The following EPDR1 variants were observed in gnomAD, a reference collection of about 807,000 sequenced individuals.
EPDR1 encodes mammalian ependymin-related protein 1.
A neutral mutation model predicts 23.7 loss-of-function variants in EPDR1; 27 were observed. That is an observed-to-expected ratio of 1.14 (90% CI 0.84 to 1.57). The LOEUF is 1.57. EPDR1 is among the 40% of genes most tolerant of loss of function. The pLI, the probability that EPDR1 is intolerant of heterozygous loss-of-function variation, is 0.00. For missense variants in EPDR1, 349 were observed against 290.4 expected (o/e 1.20, Z -1.47); for synonymous variants, 137 against 118.2 (o/e 1.16, Z -1.03).
In EPDR1 at chr7:37,923,671, AT is replaced by A. The variant is rs879813760; in HGVS notation, c.269+2474del. Among the ~76,000 whole-genome samples, 169 of 147,762 alleles carry A rather than the reference AT, an allele frequency of 1.1e-3. 1 individual carries two copies. The highest frequency in any genetic ancestry group is 1.3e-3 in the Non-Finnish European group (86 of 66,476). On this transcript the variant is annotated intron_variant, in intron 1 of 2. Coordinates refer to ENST00000199448, the MANE Select transcript of EPDR1 (RefSeq NM_017549.5). ...AAGGGTTCATCTCTCCAAAGGTAGT[AT>A]TTTTTTTTTTACAATTAAAAAAATT...
chr7:37,948,537 G>A (rs1267485905), intron 1 of EPDR1, among the ~76,000 whole-genome samples: 2 of 151,958 alleles, frequency 1.3e-5, no homozygotes, highest in South Asian at 4.2e-4. Context: ...TCTAGAGACA[G>A]GGGTCTCACT....
intron 1 of EPDR1, among the ~76,000 whole-genome samples, chr7:37,933,999 C>T (rs1363319633): frequency 1.5e-5 from 2 of 137,686 alleles, no homozygotes; most frequent in East Asian, 2.2e-4. Context: ...TTTTTTGAGA[C>T]GGAGTCTCGC....
chr7:37,920,771 G>A lies in EPDR1; in HGVS notation c.-169G>A, dbSNP rs761219331. The A allele has an allele frequency of 2.5e-6, 4 of 1,609,574 alleles. No individual in the cohort carries two copies. Among genetic ancestry groups the A allele is most frequent in the African/African-American group, 2.7e-5 (2 of 74,788 alleles). On this transcript the variant is annotated 5_prime_UTR_variant, in exon 1 of 3. Coordinates refer to ENST00000199448, the MANE Select transcript of EPDR1 (RefSeq NM_017549.5). Reference sequence around the variant, plus strand: ...TGGTCCCGGCTACCGGGACTCGCGCGTCCGGATCTCAAAAGCGGCAGAGGC... The same window carrying A: ...TGGTCCCGGCTACCGGGACTCGCGCATCCGGATCTCAAAAGCGGCAGAGGC...
chr7:37,948,447 G>T (rs1260485495), intron 1 of EPDR1, among the ~76,000 whole-genome samples: 1 of 151,498 alleles, frequency 6.6e-6, no homozygotes, highest in African/African-American at 2.4e-5. Flanking sequence ...AGGCTCAAGT[G>T]ATCCTCTTAC....
chr7:37,935,782 G>T (rs1388717036), intron 1 of EPDR1, among the ~76,000 whole-genome samples: 1 of 151,156 alleles, frequency 6.6e-6, no homozygotes, highest in African/African-American at 2.4e-5. Context: ...GTTGGGTAGG[G>T]GTGGGGAGGT....
At chr7:37,938,515 TAAG>T (rs1291828397) in intron 1 of EPDR1, among the ~76,000 whole-genome samples, 1 of 152,216 alleles carries the variant, frequency 6.6e-6, no homozygotes, top group Non-Finnish European at 1.5e-5. Context: ...ACTCTCATAA[TAAG>T]AAGATGTTAT....
intron 1 of EPDR1, among the ~76,000 whole-genome samples, chr7:37,932,058 G>T (rs1785953920): frequency 6.6e-6 from 1 of 151,888 alleles, no homozygotes; most frequent in African/African-American, 2.4e-5. Context: ...CTTTTTTGTT[G>T]GTTCCTTACA....
In EPDR1 at chr7:37,920,904, T is replaced by A; in HGVS notation, c.-36T>A. The A allele has an allele frequency of 2.5e-6, 4 of 1,611,364 alleles. No individual in the cohort carries two copies. Among genetic ancestry groups the A allele is most frequent in the Non-Finnish European group, 3.4e-6 (4 of 1,179,268 alleles). The stretch of plus-strand genomic sequence containing the variant: ...CGGACGCCTCAGCGCCCCCTTGGGC[T>A]TGGGCTTGCCCTCGGGCCGGGGAAG... On this transcript the variant is annotated 5_prime_UTR_variant, in exon 1 of 3. It adds an upstream start codon to the 5' untranslated region. Coordinates refer to ENST00000199448, the MANE Select transcript of EPDR1 (RefSeq NM_017549.5).
At chr7:37,945,569 A>C (rs552360695) in intron 1 of EPDR1, among the ~76,000 whole-genome samples, 2 of 152,200 alleles carry the variant, frequency 1.3e-5, no homozygotes, top group African/African-American at 2.4e-5. Flanking sequence ...GAGCTGAAAA[A>C]CTTCCATTGC....
intron 1 of EPDR1, among the ~76,000 whole-genome samples, chr7:37,942,852 C>T (rs940733878): frequency 1.1e-4 from 16 of 152,076 alleles, no homozygotes; most frequent in South Asian, 2.1e-4. Context: ...CATGGTGATT[C>T]GAGAGCCTAC....
At chr7:37,947,165 T>A (rs1453604971) in intron 1 of EPDR1, among the ~76,000 whole-genome samples, 2 of 152,220 alleles carry the variant, frequency 1.3e-5, no homozygotes, top group East Asian at 1.9e-4. Flanking sequence ...ACCCTATACA[T>A]GCGTACCATT....
chr7:37,926,418 C>T (rs929022822), intron 1 of EPDR1, among the ~76,000 whole-genome samples: 6 of 148,116 alleles, frequency 4.1e-5, no homozygotes, highest in African/African-American at 1.5e-4. Flanking sequence ...TTCATTTTGA[C>T]CATCTGAAAT....
chr7:37,921,189 G>A lies in EPDR1; in HGVS notation c.250G>A (p.Ala84Thr). The A allele has an allele frequency of 6.3e-7, 1 of 1,590,538 alleles. No individual in the cohort carries two copies. The highest frequency in any genetic ancestry group is 1.1e-5 in the South Asian group (1 of 90,764). The change falls in exon 1 of 3, where the codon GCG (alanine) becomes ACG (threonine). Residue 84 changes from alanine to threonine, a missense_variant. Ala to Thr is a moderately conservative substitution (Grantham distance 58). Transcript: ENST00000199448. ...QRVRVLDERK[A>T]LIPCKRLFEY... ...CGTGCGGGTGCTGGACGAGAGGAAGGCGCTGATCCCCTGCAAGAGGTACAG... is the reference window on the plus strand; with the variant it reads ...CGTGCGGGTGCTGGACGAGAGGAAGACGCTGATCCCCTGCAAGAGGTACAG...
chr7:37,921,029 G>T lies in EPDR1; in HGVS notation c.90G>T (p.Leu30=). ...GGLWAWTLCG[L]CSLGAVGAPR... ...TCTGGGCCTGGACCCTGTGCGGCCT[G>T]TGCAGCCTGGGGGCGGTGGGAGCCC... The change falls in exon 1 of 3, where the codon CTG becomes CTT. Residue 30 remains leucine (L), a synonymous_variant. Transcript: ENST00000199448. The T allele has an allele frequency of 6.5e-7, 1 of 1,527,926 alleles. No homozygotes were observed. Among genetic ancestry groups the T allele is most frequent in the Non-Finnish European group, 8.8e-7 (1 of 1,142,326 alleles). 94.6% of individuals were successfully genotyped at this position (1,527,926 alleles called of 1,614,324 possible).
chr7:37,937,399 C>T (rs1020185243), intron 1 of EPDR1, among the ~76,000 whole-genome samples: 3 of 152,018 alleles, frequency 2.0e-5, no homozygotes, highest in African/African-American at 7.2e-5. Context: ...AATGAAAAAG[C>T]CTTTGCATTG....
chr7:37,932,609 G>A (rs1367728881), intron 1 of EPDR1, among the ~76,000 whole-genome samples: 1 of 152,144 alleles, frequency 6.6e-6, no homozygotes, highest in Non-Finnish European at 1.5e-5. Context: ...TTTCAACATG[G>A]TGGGAATTGA....
intron 1 of EPDR1, 132 bp downstream of exon 1, chr7:37,921,340 C>G (rs1189478969): frequency 7.0e-7 from 1 of 1,422,184 alleles, no homozygotes; most frequent in East Asian, 2.8e-5. Flanking sequence ...AGAGATCTTT[C>G]GCGAGGAGGG....
rs752536687 is a variant in EPDR1, at chr7:37,935,993, CATATATATATATATATATATATATATAT to C, written c.270-12827_270-12800del. 6.1e-4 allele frequency among the ~76,000 whole-genome samples: 28 copies of C among 45,588 alleles called. 1 individual carries two copies. The highest frequency in any genetic ancestry group is 1.5e-3 in the African/African-American group (21 of 14,112). The allele number at this position is 45,588 out of a possible 152,430, so 29.9% of individuals were successfully genotyped here. On this transcript the variant is annotated intron_variant, in intron 1 of 2. Transcript: ENST00000199448. ...TGATTTGGGAACTAGCAAATCATGG[CATATATATATATATATATATATATATAT>C]ATATATATATATATATATACACAAG...
rs368891260 is a variant in EPDR1 at position 37,920,804 on chromosome 7, GGGACA to G, written c.-132_-128del. The G allele has an allele frequency of 1.1e-3, 1,820 of 1,610,350 alleles. 36 individuals are homozygous for G. The South Asian group carries it at 0.019, about 17-fold the overall frequency. On this transcript the variant is annotated 5_prime_UTR_variant, in exon 1 of 3. Coordinates refer to ENST00000199448, the MANE Select transcript of EPDR1 (RefSeq NM_017549.5). ...CTCAAAAGCGGCAGAGGCCACCGAA[GGGACA>G]GGAAGCACTTTGGTCCAGACCACAC...
Sources: allele counts gnomAD v4.1 joint callset (sites outside exome capture counted in the v4.1 genomes callset), GRCh38; gene constraint gnomAD v4.1.1; transcripts MANE v1.5; gene names NCBI Gene and HGNC (gene_info 2026-07-23, HGNC 2026-07-21).